The following TMEM147 variants were observed in gnomAD, a reference collection of about 807,000 sequenced individuals.
TMEM147 encodes the protein BOS complex subunit TMEM147.
A neutral mutation model predicts 29.4 loss-of-function variants in TMEM147; 29 were observed. That is an observed-to-expected ratio of 0.99 (90% CI 0.73 to 1.34). The LOEUF is 1.34. Ranked by LOEUF, TMEM147 falls within the 40% of genes most tolerant of loss-of-function variation. The pLI, the probability that TMEM147 is intolerant of heterozygous loss-of-function variation, is 0.00. For missense variants in TMEM147, 260 were observed against 289.4 expected (o/e 0.90, Z 0.74); for synonymous variants, 121 against 111.8 (o/e 1.08, Z -0.52).
rs765284544 is a variant in TMEM147 at position 35,547,042 on chromosome 19, G to GCT, written c.429+17_429+18dup. The GCT allele has an allele frequency of 6.2e-7, 1 of 1,614,202 alleles. No homozygotes were observed. Among genetic ancestry groups the GCT allele is most frequent in the East Asian group, 2.2e-5 (1 of 44,884 alleles). On this transcript the variant is annotated intron_variant, in intron 5 of 6. Transcript: ENST00000222284. ...CAACATCAGTCTGGTAGGCAGTCGTGCTCTCCCACATACACATTTCTGCTG... is the reference window on the plus strand; with the variant it reads ...CAACATCAGTCTGGTAGGCAGTCGTGCTCTCTCCCACATACACATTTCTGCTG...
At chr19:35,546,132 A>G (rs772333498) in intron 2 of TMEM147, 175 bp downstream of exon 2, 142 of 737,502 alleles carry the variant, frequency 1.9e-4, no homozygotes, top group Non-Finnish European at 2.8e-4. Context: ...GCACGACCTG[A>G]GAAGAGACCT....
intron 2 of TMEM147, 159 bp from the exon 3 acceptor site, chr19:35,546,367 C>A: frequency 1.2e-6 from 1 of 826,910 alleles, no homozygotes; most frequent in Non-Finnish European, 1.9e-6. Context: ...TCTATCTCCC[C>A]GATTCCTGTA....
Position 35,545,900 on chromosome 19 carries a change from C to T in TMEM147, c.90C>T (p.Asn30=). 1 of 1,613,990 alleles carries T rather than the reference C, an allele frequency of 6.2e-7. No homozygotes were observed. The change falls in exon 2 of 7, where the codon AAC becomes AAT. Residue 30 remains asparagine (N), a synonymous_variant. Coordinates refer to ENST00000222284, the MANE Select transcript of TMEM147 (RefSeq NM_032635.4). ...CCCGCTTCTCCAGGTCCGAGTACAA[C>T]GCCTTCTGGAAATGCGTCCAGGCTG... The part of the protein sequence containing the change: ...TYKCSGLSEY[N]AFWKCVQAGV...
intron 2 of TMEM147, 194 bp downstream of exon 2, chr19:35,546,151 C>A: frequency 3.0e-6 from 2 of 667,314 alleles, no homozygotes; most frequent in Non-Finnish European, 5.1e-6. Context: ...CTAGAAGCAA[C>A]TTTTGCGTAG....
intron 2 of TMEM147, 92 bp downstream of exon 2, chr19:35,546,049 C>T: frequency 7.1e-7 from 1 of 1,403,592 alleles, no homozygotes; most frequent in Non-Finnish European, 9.8e-7. Flanking sequence ...CCCGCCGCCC[C>T]ACGGTGGGAC....
intron 2 of TMEM147, chr19:35,546,282 C>T: frequency 1.7e-6 from 1 of 602,792 alleles, no homozygotes; most frequent in Non-Finnish European, 2.9e-6. Flanking sequence ...GCAGCACCTT[C>T]AGACCTGACT....
At position 35,547,128 on chromosome 19, in the gene TMEM147, A is replaced by T; in HGVS notation, c.439A>T (p.Ile147Phe). ...IDSNISLVHY[I>F]VASAQVWMIT... ...TTCTGCCTCCCTCTAGGTCCATTACATCGTCGCGTCTGCTCAGGTCTGGAT... is the reference window on the plus strand; with the variant it reads ...TTCTGCCTCCCTCTAGGTCCATTACTTCGTCGCGTCTGCTCAGGTCTGGAT... The change falls in exon 6 of 7, where the codon ATC becomes TTC. Residue 147 changes from isoleucine to phenylalanine, a missense_variant. Transcript: ENST00000222284. The T allele has an allele frequency of 6.2e-7, 1 of 1,614,100 alleles. No homozygotes were observed. Among genetic ancestry groups the T allele is most frequent in the Non-Finnish European group, 8.5e-7 (1 of 1,180,028 alleles).
intron 2 of TMEM147, 148 bp downstream of exon 2, chr19:35,546,105 G>A: frequency 1.1e-6 from 1 of 910,754 alleles, no homozygotes; most frequent in Non-Finnish European, 1.7e-6. Context: ...ACCTAGAGAG[G>A]ATGGACTTTA....
In TMEM147 at chr19:35,547,136, G is replaced by A. The variant is rs141810425; in HGVS notation, c.447G>A (p.Ala149=). 1.4e-4 allele frequency: 222 copies of A among 1,614,150 alleles called. No homozygotes were observed. The highest frequency in any genetic ancestry group is 5.9e-4 in the African/African-American group (44 of 75,026). ...SNISLVHYIV[A]SAQVWMITRY... ...CCCTCTAGGTCCATTACATCGTCGC[G>A]TCTGCTCAGGTCTGGATGATAACAC... Residue 149 remains alanine, a synonymous_variant, in exon 6 of 7, where the codon GCG becomes GCA. Transcript: ENST00000222284.
At position 35,547,134 on chromosome 19, in the gene TMEM147, G is replaced by A. The variant is rs755127962; in HGVS notation, c.445G>A (p.Ala149Thr). The A allele has an allele frequency of 1.4e-5, 23 of 1,614,022 alleles. No homozygotes were observed. The highest frequency in any genetic ancestry group is 2.2e-5 in the South Asian group (2 of 91,084). The change falls in exon 6 of 7, where the codon GCG (alanine) becomes ACG (threonine). Residue 149 changes from alanine (A) to threonine (T), a missense_variant. By Grantham distance (58) the Ala-to-Thr change is moderately conservative. Transcript: ENST00000222284. ...SNISLVHYIV[A>T]SAQVWMITRY... ...CTCCCTCTAGGTCCATTACATCGTC[G>A]CGTCTGCTCAGGTCTGGATGATAAC...
In TMEM147 at chr19:35,547,248, G is replaced by A. The variant is rs2071571291; in HGVS notation, c.551+8G>A. The A allele has an allele frequency of 4.3e-6, 7 of 1,614,098 alleles. No homozygotes were observed. Among genetic ancestry groups the A allele is most frequent in the Non-Finnish European group, 5.9e-6 (7 of 1,180,018 alleles). The stretch of plus-strand genomic sequence containing the variant: ...CAAGGCCTTTGTTATGGAGTGAGTT[G>A]GGTGGGGTTTAGGGCTGGGTCCAAA... On this transcript the variant is annotated splice_region_variant and intron_variant, in intron 6 of 6. Transcript: ENST00000222284.
intron 2 of TMEM147, 82 bp downstream of exon 2, chr19:35,546,039 C>G: frequency 6.8e-7 from 1 of 1,480,682 alleles, no homozygotes; most frequent in South Asian, 1.2e-5. Context: ...TATCCGCGCC[C>G]CCGCCGCCCC....
intron 2 of TMEM147, 152 bp downstream of exon 2, chr19:35,546,109 G>A: frequency 1.1e-6 from 1 of 876,910 alleles, no homozygotes; most frequent in Non-Finnish European, 1.8e-6. Context: ...AGAGAGGATG[G>A]ACTTTAAAGA....
rs763665154 is a variant in TMEM147 at position 35,547,258 on chromosome 19, T to C, written c.551+18T>C. ...GTTATGGAGTGAGTTGGGTGGGGTT[T>C]AGGGCTGGGTCCAAAGTGGGGTGGG... is the stretch of plus-strand genomic sequence containing the variant. On this transcript the variant is annotated intron_variant, in intron 6 of 6. Transcript: ENST00000222284. The C allele has an allele frequency of 1.2e-6, 2 of 1,614,056 alleles. No individual in the cohort carries two copies. Among genetic ancestry groups the C allele is most frequent in the Non-Finnish European group, 8.5e-7 (1 of 1,180,010 alleles).
In TMEM147 at chr19:35,545,699, C is replaced by G; in HGVS notation, c.-41C>G. 1.3e-6 allele frequency: 2 copies of G among 1,598,772 alleles called. No homozygotes were observed. Among genetic ancestry groups the G allele is most frequent in the South Asian group, 2.2e-5 (2 of 90,792 alleles). On this transcript the variant is annotated 5_prime_UTR_variant, in exon 1 of 7. Transcript: ENST00000222284. ...CGGAGACCCGCTCCCGGAGACGCCG[C>G]CTCGCGATCCCCGCGCGGGCGGGAC...
In TMEM147 at chr19:35,545,645, C is replaced by T. The variant is rs2071544730; in HGVS notation, c.-95C>T. 6 of 1,404,930 alleles carry T rather than the reference C, an allele frequency of 4.3e-6. No homozygotes were observed. The East Asian group carries it at 9.5e-5, about 22-fold the overall frequency. 87.0% of individuals were successfully genotyped at this position (1,404,930 alleles called of 1,614,324 possible). ...CCCGCCAGTCAGGTGGGTGCCAGGCCCTGGCCGTGGCGAAAGAGCCGGCGG... is the reference window on the plus strand; with the variant it reads ...CCCGCCAGTCAGGTGGGTGCCAGGCTCTGGCCGTGGCGAAAGAGCCGGCGG... On this transcript the variant is annotated 5_prime_UTR_variant, in exon 1 of 7. Coordinates refer to ENST00000222284, the MANE Select transcript of TMEM147 (RefSeq NM_032635.4).
Position 35,545,792 on chromosome 19 carries a change from T to C in TMEM147, c.53T>C (p.Phe18Ser). The change falls in exon 1 of 7, where the codon TTC becomes TCC. Residue 18 changes from phenylalanine (F) to serine (S), a missense_variant. Coordinates refer to ENST00000222284, the MANE Select transcript of TMEM147 (RefSeq NM_032635.4). ...NCFALAYFPYFITYKCSGLSE... is the reference protein window; with the variant it reads ...NCFALAYFPYSITYKCSGLSE... Reference sequence around the variant, plus strand: ...TTCGCTCTTGCCTACTTCCCCTACTTCATCACCTACAAGTGCAGCGGCCTG... The same window carrying C: ...TTCGCTCTTGCCTACTTCCCCTACTCCATCACCTACAAGTGCAGCGGCCTG... 2.5e-6 allele frequency: 4 copies of C among 1,613,824 alleles called. No homozygotes were observed. Among genetic ancestry groups the C allele is most frequent in the Non-Finnish European group, 3.4e-6 (4 of 1,179,886 alleles).
chr19:35,546,330 C>A (rs1212713572), intron 2 of TMEM147, 196 bp from the exon 3 acceptor site: 3 of 651,788 alleles, frequency 4.6e-6, no homozygotes, highest in Non-Finnish European at 7.8e-6. Flanking sequence ...AAACTTCCAG[C>A]CCCCTCGGGG....
In TMEM147 at chr19:35,545,664, C is replaced by G. The variant is rs1348831012; in HGVS notation, c.-76C>G. 5.9e-6 allele frequency: 9 copies of G among 1,524,982 alleles called. No individual in the cohort carries two copies. In the Admixed American group the frequency reaches 1.1e-4, roughly 19 times the overall value. 94.5% of individuals were successfully genotyped at this position (1,524,982 alleles called of 1,614,324 possible). On this transcript the variant is annotated 5_prime_UTR_variant, in exon 1 of 7. Coordinates refer to ENST00000222284, the MANE Select transcript of TMEM147 (RefSeq NM_032635.4). ...CCAGGCCCTGGCCGTGGCGAAAGAG[C>G]CGGCGGAGCCGGAGACCCGCTCCCG...
Sources: gnomAD v4.1 joint callset for allele counts on GRCh38, gnomAD v4.1.1 for gene constraint, MANE v1.5 for transcripts, NCBI Gene and HGNC (gene_info 2026-07-23, HGNC 2026-07-21) for gene names.